Variants in E2F3 observed in about 807,000 individuals in gnomAD.
E2F3 encodes E2F transcription factor 3.
In E2F3, 11 loss-of-function variants were observed where a neutral mutation model predicts 44.4. That is an observed-to-expected ratio of 0.25 (90% CI 0.16 to 0.41). E2F3 has a LOEUF of 0.41. E2F3 is among the 10% of genes least tolerant of loss of function. The probability of loss-of-function intolerance (pLI) is 1.00; values close to 1 mark genes in which losing one functional copy is unlikely to be tolerated. For synonymous variants in E2F3, 249 were observed against 253.0 expected, an observed-to-expected ratio of 0.98 and a Z score of 0.15; for missense variants, 487 against 583.6, an observed-to-expected ratio of 0.83 and a Z score of 1.70.
chr6:20,426,603 C>T (rs1416796416), intron 1 of E2F3, among the ~76,000 whole-genome samples: 6 of 152,238 alleles, frequency 3.9e-5, no homozygotes, highest in Non-Finnish European at 7.3e-5. Flanking sequence ...CACCTAGTGT[C>T]ATTGTGGGAT....
chr6:20,482,600 AT>A (rs1162202681), intron 3 of E2F3, among the ~76,000 whole-genome samples, 161 bp from the exon 4 acceptor site: 9,890 of 102,140 alleles, frequency 0.097, 1,005 homozygotes, highest in African/African-American at 0.28. Flanking sequence ...GAAAAAAAAA[AT>A]ATATATATAT....
Position 20,417,521 on chromosome 6 carries a change from A to G in E2F3, c.393+14896A>G, listed in dbSNP as rs868448080. Reference sequence around the variant, plus strand: ...AAAGTTAGTAACTTTTTAAAAAATAAGTGTAATTAAATAAACTTTTAAATT... The same window carrying G: ...AAAGTTAGTAACTTTTTAAAAAATAGGTGTAATTAAATAAACTTTTAAATT... On this transcript the variant is annotated intron_variant, in intron 1 of 6. Transcript: ENST00000346618. Among the ~76,000 whole-genome samples, 19 of 152,174 alleles carry G rather than the reference A, an allele frequency of 1.2e-4. No homozygotes were observed. In the Middle Eastern group the frequency reaches 0.014, roughly 109 times the overall value.
intron 1 of E2F3, among the ~76,000 whole-genome samples, chr6:20,479,020 C>T (rs968695842): frequency 6.6e-6 from 1 of 152,150 alleles, no homozygotes; most frequent in African/African-American, 2.4e-5. Context: ...AGCCCAATGC[C>T]TAGGTACCTA....
intron 1 of E2F3, among the ~76,000 whole-genome samples, chr6:20,438,462 C>T (rs9465749): frequency 5.2e-4 from 79 of 152,228 alleles, no homozygotes; most frequent in African/African-American, 1.9e-3. Context: ...GCATTATCTC[C>T]GGTGCAGTTT....
chr6:20,483,931 A>T (rs989201347), intron 4 of E2F3, among the ~76,000 whole-genome samples: 2 of 152,210 alleles, frequency 1.3e-5, no homozygotes, highest in African/African-American at 4.8e-5. Context: ...TCAAACCTGC[A>T]ATTGTTCATT....
At position 20,407,858 on chromosome 6, in the gene E2F3, TG is replaced by T. The variant is rs1759541514; in HGVS notation, c.393+5234del. ...TTCCTACTAACAGCTGTAACTAGGA[TG>T]AGTCAAAATCAATTGCCTATGCTCA... On this transcript the variant is annotated intron_variant, in intron 1 of 6. Coordinates refer to ENST00000346618, the MANE Select transcript of E2F3 (RefSeq NM_001949.5). Among the ~76,000 whole-genome samples, 3 of 152,260 alleles carry T rather than the reference TG, an allele frequency of 2.0e-5. No individual in the cohort carries two copies. In the South Asian group the frequency reaches 6.2e-4, roughly 31 times the overall value.
intron 1 of E2F3, among the ~76,000 whole-genome samples, chr6:20,469,720 G>A (rs1322885522): frequency 1.3e-5 from 2 of 152,122 alleles, no homozygotes; most frequent in Non-Finnish European, 2.9e-5. Context: ...GACCAACTTT[G>A]GAGTCCATTC....
chr6:20,456,509 C>G (rs893850062), intron 1 of E2F3, among the ~76,000 whole-genome samples: 1 of 152,096 alleles, frequency 6.6e-6, no homozygotes, highest in South Asian at 2.1e-4. Context: ...CTCCTTTCCT[C>G]CTTGCTTTTT....
chr6:20,439,717 G>A (rs1213230599), intron 1 of E2F3, among the ~76,000 whole-genome samples: 2 of 152,114 alleles, frequency 1.3e-5, no homozygotes, highest in African/African-American at 2.4e-5. Context: ...TTTCTTTGTA[G>A]AGAGGGGTCT....
chr6:20,431,371 C>T (rs1328467478), intron 1 of E2F3, among the ~76,000 whole-genome samples: 2 of 152,236 alleles, frequency 1.3e-5, no homozygotes, highest in Non-Finnish European at 2.9e-5. Flanking sequence ...TCTGCTCCCA[C>T]CTCGCATCCC....
At chr6:20,413,391 G>A (rs1759738722) in intron 1 of E2F3, among the ~76,000 whole-genome samples, 1 of 152,178 alleles carries the variant, frequency 6.6e-6, no homozygotes, top group Non-Finnish European at 1.5e-5. Flanking sequence ...GGAGCCTTCT[G>A]CCACATCCAT....
chr6:20,444,425 G>A (rs1760872249), intron 1 of E2F3, among the ~76,000 whole-genome samples: 1 of 152,138 alleles, frequency 6.6e-6, no homozygotes, highest in African/African-American at 2.4e-5. Context: ...TGCAGCTACA[G>A]TTGATACCTT....
intron 1 of E2F3, among the ~76,000 whole-genome samples, chr6:20,432,985 G>C (rs1035330827): frequency 2.6e-5 from 4 of 152,144 alleles, no homozygotes; most frequent in Admixed American, 2.6e-4. Context: ...GCTACCATCT[G>C]GTCTGCCAGT....
chr6:20,433,394 T>C (rs1357860501), intron 1 of E2F3, among the ~76,000 whole-genome samples: 2 of 152,212 alleles, frequency 1.3e-5, no homozygotes, highest in African/African-American at 4.8e-5. Context: ...CTGGATAGAA[T>C]TCTAGATATT....
rs1735730478 is a variant in E2F3 at position 20,492,976 on chromosome 6, T to C, written c.*2546T>C. The C allele has an allele frequency of 4.6e-6, 1 of 215,086 alleles. No homozygotes were observed. The highest frequency in any genetic ancestry group is 1.9e-4 in the South Asian group (1 of 5,376). The allele number at this position is 215,086 out of a possible 1,614,324, so 13.3% of individuals were successfully genotyped here. A position where few individuals can be genotyped will look rare whatever the true frequency, so the allele number is the denominator to read the frequency against. ...CTAAAAGTTACAAGTGTGCAAATTA[T>C]GACTGCGTGAGCCTTAGAAAATAAA... On this transcript the variant is annotated 3_prime_UTR_variant, in exon 7 of 7. Transcript: ENST00000346618.
chr6:20,402,404 A>G lies in E2F3; in HGVS notation c.172A>G (p.Ile58Val). The stretch of plus-strand genomic sequence containing the variant: ...CGCTGCCGCCGCCCCGGGCGCGTAC[A>G]TCCAGATCCTCACCACGAACACTTC... ...AAAAAAPGAYIQILTTNTSTT... is the reference protein window; with the variant it reads ...AAAAAAPGAYVQILTTNTSTT... The change falls in exon 1 of 7, where the codon ATC (isoleucine) becomes GTC (valine). Residue 58 changes from isoleucine to valine, a missense_variant. By Grantham distance (29) the Ile-to-Val change is conservative. Transcript: ENST00000346618. This position sits in a 1 kb window ranked among gnomAD's most constrained non-coding sequence, Gnocchi z 5.6. 6.2e-7 allele frequency: 1 copy of G among 1,607,506 alleles called. No individual in the cohort carries two copies. Among genetic ancestry groups the G allele is most frequent in the Non-Finnish European group, 8.5e-7 (1 of 1,178,264 alleles).
intron 1 of E2F3, among the ~76,000 whole-genome samples, chr6:20,405,075 C>T (rs910748935): frequency 6.6e-6 from 1 of 152,152 alleles, no homozygotes; most frequent in African/African-American, 2.4e-5. Flanking sequence ...GGCCAGGTCC[C>T]TAAGACTATC....
intron 1 of E2F3, among the ~76,000 whole-genome samples, chr6:20,423,240 G>A (rs968625176): frequency 6.6e-6 from 1 of 152,140 alleles, no homozygotes; most frequent in Non-Finnish European, 1.5e-5. Flanking sequence ...TCATGGTATA[G>A]CCTACTATAC....
chr6:20,481,459 A>AG (rs770741555), intron 3 of E2F3, 34 bp downstream of exon 3: 26 of 1,596,992 alleles, frequency 1.6e-5, no homozygotes, highest in Non-Finnish European at 2.1e-5. Context: ...CCCGGCTCTG[A>AG]GGGGGTCGTT....
Sources: gnomAD v4.1 joint callset for allele counts (sites outside exome capture counted in the v4.1 genomes callset) on GRCh38, gnomAD v4.1.1 for gene constraint, Gnocchi (gnomAD v3.1) non-coding constraint, MANE v1.5 for transcripts, NCBI Gene and HGNC (gene_info 2026-07-23, HGNC 2026-07-21) for gene names.